WDPCP: variants seen among roughly 807,000 people sequenced by gnomAD.
WDPCP encodes the protein WD repeat containing planar cell polarity effector.
WDPCP carries 71 observed loss-of-function variants against 93.1 expected under a neutral mutation model. The ratio of observed to expected loss-of-function variants is 0.76; its 90% CI spans 0.63 to 0.93. The LOEUF (loss-of-function observed/expected upper bound fraction) is 0.93, where lower values mean the gene tolerates loss of function less well. Among genes scored for constraint, WDPCP ranks in the 40% least tolerant of loss-of-function variants. The probability of loss-of-function intolerance (pLI) is 0.00; values close to 1 mark genes in which losing one functional copy is unlikely to be tolerated. For missense variants in WDPCP, 844 were observed against 887.4 expected (o/e 0.95, Z 0.62); for synonymous variants, 315 against 315.0 (o/e 1.00, Z 0.00).
intron 2 of WDPCP, among the ~76,000 whole-genome samples, chr2:63,769,929 C>T (rs1238449533): frequency 6.6e-6 from 1 of 151,750 alleles, no homozygotes; most frequent in Non-Finnish European, 1.5e-5. Flanking sequence ...TTCAGTCATT[C>T]CTTGTGTTAT....
At chr2:63,450,483 T>A (rs1698165485) in intron 6 of WDPCP, among the ~76,000 whole-genome samples, 1 of 152,112 alleles carries the variant, frequency 6.6e-6, no homozygotes, top group African/African-American at 2.4e-5. Flanking sequence ...CTCACACACC[T>A]GGCCCACCAC....
At chr2:63,370,583 G>C (rs1484593644) in intron 12 of WDPCP, among the ~76,000 whole-genome samples, 1 of 151,976 alleles carries the variant, frequency 6.6e-6, no homozygotes, top group Non-Finnish European at 1.5e-5. Context: ...AAACAACATA[G>C]AAAAGAATTG....
At chr2:63,332,873 C>T (rs1222775766) in intron 12 of WDPCP, among the ~76,000 whole-genome samples, 1 of 152,086 alleles carries the variant, frequency 6.6e-6, no homozygotes, top group African/African-American at 2.4e-5. Flanking sequence ...CTTCCCAAAG[C>T]ACTTGAGATT....
At chr2:63,511,498 T>C (rs1702229975) in intron 1 of WDPCP, among the ~76,000 whole-genome samples, 1 of 152,124 alleles carries the variant, frequency 6.6e-6, no homozygotes, top group Non-Finnish European at 1.5e-5. Flanking sequence ...CTTCAAACTA[T>C]ACTACAAGGC....
intron 1 of WDPCP, among the ~76,000 whole-genome samples, chr2:63,522,455 G>GACAGACAC (rs578104206): frequency 5.4e-4 from 69 of 127,292 alleles, no homozygotes; most frequent in African/African-American, 1.9e-3. Flanking sequence ...CAGACAGACA[G>GACAGACAC]ACACACACAC....
At chr2:63,501,637 A>G (rs1355462425) in intron 1 of WDPCP, among the ~76,000 whole-genome samples, 1 of 152,072 alleles carries the variant, frequency 6.6e-6, no homozygotes, top group Non-Finnish European at 1.5e-5. Flanking sequence ...TTTTTTGGAG[A>G]TGGAGTTTCA....
At chr2:63,532,732 A>G (rs1703956289) in intron 1 of WDPCP, among the ~76,000 whole-genome samples, 1 of 152,174 alleles carries the variant, frequency 6.6e-6, no homozygotes, top group Non-Finnish European at 1.5e-5. Context: ...AAAGGAACAA[A>G]TGGTACCAGC....
chr2:63,787,781 T>C (rs1050967747), intron 2 of WDPCP, among the ~76,000 whole-genome samples: 3 of 152,158 alleles, frequency 2.0e-5, no homozygotes, highest in Non-Finnish European at 2.9e-5. Flanking sequence ...AGCTCATGTC[T>C]CTAATCCCAG....
chr2:63,684,707 C>A (rs1021884745), intron 2 of WDPCP: 9 of 644,804 alleles, frequency 1.4e-5, no homozygotes, highest in Non-Finnish European at 2.7e-5. Flanking sequence ...CCAGAAGCTG[C>A]GGTTTTAGAT....
At chr2:63,409,219 C>T (rs1694836020) in intron 9 of WDPCP, among the ~76,000 whole-genome samples, 1 of 152,192 alleles carries the variant, frequency 6.6e-6, no homozygotes, top group African/African-American at 2.4e-5. Flanking sequence ...GTTCACATCA[C>T]AGGACTCTGT....
intron 2 of WDPCP, among the ~76,000 whole-genome samples, chr2:63,682,421 T>C (rs566408764): frequency 4.7e-4 from 72 of 152,276 alleles, no homozygotes; most frequent in African/African-American, 1.5e-3. Flanking sequence ...AATCTTTTAA[T>C]AGCAGAATTG....
At chr2:63,234,582 A>G (rs1280572263) in intron 14 of WDPCP, among the ~76,000 whole-genome samples, 4 of 152,240 alleles carry the variant, frequency 2.6e-5, no homozygotes, top group African/African-American at 9.6e-5. Context: ...TATAATCAAG[A>G]AAGCTGTGGC....
Position 63,492,858 on chromosome 2 carries a change from G to A in WDPCP, c.158C>T (p.Ala53Val), listed in dbSNP as rs149347732. Residue 53 changes from alanine (A) to valine (V), a missense_variant and splice_region_variant, in exon 2 of 18, where the codon GCG (alanine) becomes GTG (valine). Ala to Val is a moderately conservative substitution (Grantham distance 64, BLOSUM62 0). Coordinates refer to ENST00000272321, the MANE Select transcript of WDPCP (RefSeq NM_015910.7). ...LWSLKNTLHI[A>V]DRDIGIYQYY... ...AAATTAATCCAGAGCTCATTTACCC[G>A]CAATGTGTAAGGTATTCTTCAAAGA... is the stretch of plus-strand genomic sequence containing the variant. The A allele has an allele frequency of 4.8e-5, 78 of 1,612,916 alleles. No individual in the cohort carries two copies. Among genetic ancestry groups the A allele is most frequent in the Middle Eastern group, 1.7e-4 (1 of 6,056 alleles).
chr2:63,139,111 A>T (rs1236441058), intron 17 of WDPCP, among the ~76,000 whole-genome samples: 1 of 151,494 alleles, frequency 6.6e-6, no homozygotes, highest in East Asian at 1.9e-4. Context: ...ATACACATAA[A>T]CACATATATA....
chr2:63,171,319 G>A (rs1409615319), intron 15 of WDPCP, among the ~76,000 whole-genome samples: 1 of 152,174 alleles, frequency 6.6e-6, no homozygotes, highest in African/African-American at 2.4e-5. Context: ...TAAGGAACTT[G>A]TATTCAGAAT....
chr2:63,321,150 T>G (rs955471754), intron 12 of WDPCP, among the ~76,000 whole-genome samples: 2 of 151,528 alleles, frequency 1.3e-5, no homozygotes, highest in African/African-American at 4.8e-5. Flanking sequence ...AAAAAAAAGG[T>G]GACAGAAATA....
intron 1 of WDPCP, among the ~76,000 whole-genome samples, chr2:63,508,264 G>C (rs1018547249): frequency 2.6e-5 from 4 of 152,202 alleles, no homozygotes; most frequent in African/African-American, 9.6e-5. Context: ...AGCCAGAAGA[G>C]ATTGGGGGCT....
At position 63,273,178 on chromosome 2, in the gene WDPCP, G is replaced by A. The variant is rs1357358548; in HGVS notation, c.1813-13769C>T. ...AAAATGAAGGAAAAATAAATAAAATGTTTCCCAGATAAGCAAAAACTGAGG... is the reference window on the plus strand; with the variant it reads ...AAAATGAAGGAAAAATAAATAAAATATTTCCCAGATAAGCAAAAACTGAGG... On this transcript the variant is annotated intron_variant, in intron 13 of 17. Transcript: ENST00000272321. 2.6e-5 allele frequency among the ~76,000 whole-genome samples: 4 copies of A among 152,012 alleles called. No homozygotes were observed. In the East Asian group the frequency reaches 7.7e-4, roughly 29 times the overall value.
chr2:63,439,820 G>C lies in WDPCP; in HGVS notation c.436C>G (p.Leu146Val). The C allele has an allele frequency of 6.2e-7, 1 of 1,613,196 alleles. No individual in the cohort carries two copies. The highest frequency in any genetic ancestry group is 2.2e-5 in the East Asian group (1 of 44,874). The change falls in exon 7 of 18, where the codon CTG becomes GTG. Residue 146 changes from leucine to valine, a missense_variant. Physicochemically the swap from Leu to Val is conservative, Grantham distance 32. Coordinates refer to ENST00000272321, the MANE Select transcript of WDPCP (RefSeq NM_015910.7). ...CTTCTGTCAATCACCACTTTCTCCAGCTGCGGCCCAGAAAGGCTTAGAGAC... is the reference window on the plus strand; with the variant it reads ...CTTCTGTCAATCACCACTTTCTCCACCTGCGGCCCAGAAAGGCTTAGAGAC... ...LVSLSLSGPQ[L>V]EKVVIDRSLV...
Sources: gnomAD v4.1 joint callset for allele counts (sites outside exome capture counted in the v4.1 genomes callset) on GRCh38, gnomAD v4.1.1 for gene constraint, MANE v1.5 for transcripts, NCBI Gene and HGNC (gene_info 2026-07-23, HGNC 2026-07-21) for gene names.